VTA1: variants seen among roughly 807,000 people sequenced by gnomAD.
VTA1 encodes the protein vacuolar protein sorting-associated protein VTA1 homolog.
Under a neutral mutation model 36.9 loss-of-function variants are expected in VTA1, and 24 were observed. That is an observed-to-expected ratio of 0.65 (90% CI 0.47 to 0.91). VTA1 has a LOEUF of 0.91. Among genes scored for constraint, VTA1 ranks in the 40% least tolerant of loss-of-function variants. The pLI is 0.00. For missense variants in VTA1, 393 were observed against 377.2 expected, an observed-to-expected ratio of 1.04 and a Z score of -0.35; for synonymous variants, 142 against 130.2, an observed-to-expected ratio of 1.09 and a Z score of -0.62.
intron 6 of VTA1, chr6:142,198,866 G>T: frequency 7.6e-6 from 2 of 263,244 alleles, no homozygotes; most frequent in Non-Finnish European, 1.4e-5. Context: ...TAATAAGATT[G>T]GTTTCCATGC....
rs1235216191 is a variant in VTA1 at position 142,223,504 on chromosome 6, C to T, written c.*4861C>T. 3 of 152,098 alleles carry T rather than the reference C, an allele frequency of 2.0e-5. No individual in the cohort carries two copies. The allele number at this position is 152,098 out of a possible 1,614,324, so 9.4% of individuals were successfully genotyped here. On this transcript the variant is annotated 3_prime_UTR_variant, in exon 8 of 8. Coordinates refer to ENST00000367630, the MANE Select transcript of VTA1 (RefSeq NM_016485.5). ...CAATAATGTTTATTATTAGATACTT[C>T]CTCAATTAAATTTCTCCCTGAAAGT...
At chr6:142,167,770 C>T (rs2114643173) in intron 2 of VTA1, among the ~76,000 whole-genome samples, 2 of 152,318 alleles carry the variant, frequency 1.3e-5, no homozygotes, top group African/African-American at 4.8e-5. Context: ...TCTGGCCTTG[C>T]ATTTCTACAG....
At chr6:142,148,875 G>C (rs1273614945) in intron 1 of VTA1, among the ~76,000 whole-genome samples, 2 of 152,156 alleles carry the variant, frequency 1.3e-5, no homozygotes, top group Non-Finnish European at 2.9e-5. Flanking sequence ...GTAGAGGCTT[G>C]CTGGAAGGAG....
At chr6:142,211,712 T>A (rs9496300) in intron 7 of VTA1, among the ~76,000 whole-genome samples, 66,064 of 99,718 alleles carry the variant, frequency 0.66, 19,901 homozygotes, top group East Asian at 0.86. Context: ...CTCCATCTCT[T>A]AAAAAAAAAA....
intron 5 of VTA1, among the ~76,000 whole-genome samples, chr6:142,194,060 G>A (rs1775500510): frequency 6.6e-6 from 1 of 151,990 alleles, no homozygotes; most frequent in Non-Finnish European, 1.5e-5. Flanking sequence ...ATTTCTAAAG[G>A]TCCAGTGATA....
intron 7 of VTA1, among the ~76,000 whole-genome samples, chr6:142,211,136 AGGTAGATTAGT>A (rs1562270975): frequency 6.6e-6 from 1 of 152,074 alleles, no homozygotes; most frequent in East Asian, 1.9e-4. Context: ...GTGAAAATAG[AGGTAGATTAGT>A]GGTTACCAAA....
intron 7 of VTA1, among the ~76,000 whole-genome samples, chr6:142,216,815 C>T (rs566053817): frequency 6.6e-6 from 1 of 152,116 alleles, no homozygotes; most frequent in Non-Finnish European, 1.5e-5. Flanking sequence ...ATTAATCTGA[C>T]CATTACAGCC....
chr6:142,175,093 T>C (rs1253211697), intron 4 of VTA1, among the ~76,000 whole-genome samples: 1 of 152,248 alleles, frequency 6.6e-6, no homozygotes, highest in African/African-American at 2.4e-5. Context: ...CATGATGATT[T>C]GGGATATTCT....
intron 7 of VTA1, 78 bp downstream of exon 7, chr6:142,204,143 AC>A: frequency 8.1e-7 from 1 of 1,228,818 alleles, no homozygotes; most frequent in Non-Finnish European, 1.2e-6. Flanking sequence ...CCTTGACAGT[AC>A]CATATATTTA....
At chr6:142,198,165 A>G (rs10080623) in intron 5 of VTA1, among the ~76,000 whole-genome samples, 1,288 of 52,140 alleles carry the variant, frequency 0.025, 17 homozygotes, top group South Asian at 0.044. Context: ...GTGTGTGTGT[A>G]TATGTGTGTA....
At chr6:142,204,806 C>T (rs1278763568) in intron 7 of VTA1, among the ~76,000 whole-genome samples, 2 of 151,960 alleles carry the variant, frequency 1.3e-5, no homozygotes, top group Non-Finnish European at 2.9e-5. Flanking sequence ...CTCACTGCAA[C>T]CTCTGCCTCC....
chr6:142,200,015 A>G (rs959203078), intron 6 of VTA1, among the ~76,000 whole-genome samples: 1 of 152,142 alleles, frequency 6.6e-6, no homozygotes, highest in Non-Finnish European at 1.5e-5. Flanking sequence ...TGAAATCCTG[A>G]TCAAGAGTCC....
intron 7 of VTA1, among the ~76,000 whole-genome samples, chr6:142,208,281 T>C (rs1775834844): frequency 6.6e-6 from 1 of 151,998 alleles, no homozygotes; most frequent in Non-Finnish European, 1.5e-5. Context: ...AACTGAGAAA[T>C]ACATTTGCTG....
intron 1 of VTA1, among the ~76,000 whole-genome samples, chr6:142,165,450 G>T (rs749329834): frequency 1.3e-5 from 2 of 152,118 alleles, no homozygotes; most frequent in Admixed American, 6.6e-5. Context: ...CAAAAACTTC[G>T]TTGCATTTTG....
Position 142,166,263 on chromosome 6 carries a change from G to T in VTA1, c.148G>T (p.Asp50Tyr). 1 of 1,612,064 alleles carries T rather than the reference G, an allele frequency of 6.2e-7. No homozygotes were observed. The highest frequency in any genetic ancestry group is 2.2e-5 in the East Asian group (1 of 44,746). ...LYAMQTGMKI[D>Y]SKTPECRKFL... ...CGCAATGCAGACTGGAATGAAGATCGATAGTAAAACTCCTGAATGTCGCAA... is the reference window on the plus strand; with the variant it reads ...CGCAATGCAGACTGGAATGAAGATCTATAGTAAAACTCCTGAATGTCGCAA... The change falls in exon 2 of 8, where the codon GAT (aspartate) becomes TAT (tyrosine). Residue 50 changes from aspartate to tyrosine, a missense_variant. Coordinates refer to ENST00000367630, the MANE Select transcript of VTA1 (RefSeq NM_016485.5).
chr6:142,162,949 CA>C (rs1774836719), intron 1 of VTA1, among the ~76,000 whole-genome samples: 1 of 152,048 alleles, frequency 6.6e-6, no homozygotes, highest in Non-Finnish European at 1.5e-5. Flanking sequence ...TTTGAGGTGG[CA>C]GTTTAATTAT....
chr6:142,175,737 T>C (rs1435536934), intron 4 of VTA1, among the ~76,000 whole-genome samples: 1 of 152,140 alleles, frequency 6.6e-6, no homozygotes, highest in African/African-American at 2.4e-5. Flanking sequence ...GTAATAGATC[T>C]CATTTACTCA....
At chr6:142,209,734 T>C (rs1431106996) in intron 7 of VTA1, among the ~76,000 whole-genome samples, 1 of 151,632 alleles carries the variant, frequency 6.6e-6, no homozygotes, top group African/African-American at 2.4e-5. Context: ...TATAAAAAAT[T>C]CTGATAAATG....
intron 7 of VTA1, among the ~76,000 whole-genome samples, chr6:142,208,983 T>C (rs1489519065): frequency 1.3e-5 from 2 of 152,172 alleles, no homozygotes; most frequent in African/African-American, 4.8e-5. Flanking sequence ...ATATAATTTT[T>C]TAGTATAGAG....
Sources: gnomAD v4.1 joint callset for allele counts (sites outside exome capture counted in the v4.1 genomes callset) on GRCh38, gnomAD v4.1.1 for gene constraint, MANE v1.5 for transcripts, NCBI Gene and HGNC (gene_info 2026-07-23, HGNC 2026-07-21) for gene names.